The following ANKRD44 variants were observed in gnomAD, a reference collection of about 807,000 sequenced individuals.
ANKRD44 encodes serine/threonine-protein phosphatase 6 regulatory ankyrin repeat subunit B.
In ANKRD44, 35 loss-of-function variants were observed where a neutral mutation model predicts 116.0. The ratio of observed to expected loss-of-function variants is 0.30; its 90% confidence interval spans 0.23 to 0.40. ANKRD44 has a LOEUF of 0.40. ANKRD44 is among the 10% of genes least tolerant of loss of function. The probability of loss-of-function intolerance (pLI) is 1.00; values close to 1 mark genes in which losing one functional copy is unlikely to be tolerated. For synonymous variants in ANKRD44, 435 were observed against 461.8 expected (o/e 0.94, Z 0.74); for missense variants, 1,014 against 1,242.6 (o/e 0.82, Z 2.77).
chr2:197,078,672 G>T (rs760151262), intron 16 of ANKRD44, 31 bp downstream of exon 16: 1 of 1,607,328 alleles, frequency 6.2e-7, no homozygotes, highest in South Asian at 1.1e-5. Context: ...GTGTGTGTGT[G>T]TGTTAGAGAA....
intron 1 of ANKRD44, among the ~76,000 whole-genome samples, chr2:197,190,967 G>T (rs976020092): frequency 6.6e-5 from 10 of 152,222 alleles, no homozygotes; most frequent in African/African-American, 2.4e-4. Context: ...ATACAAAATT[G>T]TAACAAGGGT....
intron 10 of ANKRD44, among the ~76,000 whole-genome samples, chr2:197,092,711 C>T (rs62279207): frequency 8.6e-5 from 13 of 151,990 alleles, no homozygotes; most frequent in African/African-American, 2.9e-4. Flanking sequence ...TCATCATTTA[C>T]CAAAAAAAAA....
At chr2:197,045,064 T>C (rs1214734677) in intron 16 of ANKRD44, among the ~76,000 whole-genome samples, 1 of 151,244 alleles carries the variant, frequency 6.6e-6, no homozygotes, top group East Asian at 2.0e-4. Context: ...AATTGCACAG[T>C]TTAAACCATA....
chr2:197,008,812 G>T, intron 19 of ANKRD44, 132 bp downstream of exon 19: 1 of 748,672 alleles, frequency 1.3e-6, no homozygotes. Context: ...ACCTCATTGT[G>T]TATTGGTCCT....
chr2:196,972,233 T>A (rs947292141), intron 21 of ANKRD44, among the ~76,000 whole-genome samples: 17 of 152,290 alleles, frequency 1.1e-4, no homozygotes, highest in African/African-American at 4.1e-4. Flanking sequence ...AGACAGGATC[T>A]CGCTTTGTTA....
chr2:197,299,614 T>C (rs1439336793), intron 1 of ANKRD44: 1 of 152,172 alleles, frequency 6.6e-6, no homozygotes, highest in Non-Finnish European at 1.5e-5. Flanking sequence ...TCTCACTCAT[T>C]AGTAGGAGCT....
chr2:197,168,379 A>C (rs2080147617), intron 2 of ANKRD44, among the ~76,000 whole-genome samples: 1 of 152,214 alleles, frequency 6.6e-6, no homozygotes, highest in African/African-American at 2.4e-5. Flanking sequence ...AGACAACATT[A>C]TGTTTAGTGT....
chr2:197,133,294 G>A (rs1337989390), intron 4 of ANKRD44, among the ~76,000 whole-genome samples: 2 of 152,130 alleles, frequency 1.3e-5, no homozygotes, highest in Non-Finnish European at 2.9e-5. Context: ...GTTCCAGTTT[G>A]TCCTTGATCT....
chr2:197,144,218 T>C (rs2079441757), intron 3 of ANKRD44, among the ~76,000 whole-genome samples: 1 of 152,226 alleles, frequency 6.6e-6, no homozygotes, highest in Non-Finnish European at 1.5e-5. Context: ...TAACAGGAGA[T>C]AATGCCAGCA....
chr2:197,162,857 A>G (rs913043712), intron 2 of ANKRD44, among the ~76,000 whole-genome samples: 3 of 152,202 alleles, frequency 2.0e-5, no homozygotes, highest in Admixed American at 6.5e-5. Flanking sequence ...AGTGCTCAAT[A>G]TATGTCTTGC....
chr2:197,249,245 C>G (rs1251090826), intron 1 of ANKRD44, among the ~76,000 whole-genome samples: 1 of 152,026 alleles, frequency 6.6e-6, no homozygotes, highest in Non-Finnish European at 1.5e-5. Flanking sequence ...TGCACTCCAG[C>G]CTGGGCAACA....
At chr2:197,127,879 T>C (rs995424870) in intron 4 of ANKRD44, among the ~76,000 whole-genome samples, 1 of 152,196 alleles carries the variant, frequency 6.6e-6, no homozygotes, top group Admixed American at 6.5e-5. Context: ...CCCTCTGTTC[T>C]CATCGTTCAG....
At chr2:196,995,348 G>T in intron 26 of ANKRD44, 31 bp downstream of exon 26, 2 of 1,522,154 alleles carry the variant, frequency 1.3e-6, no homozygotes, top group Non-Finnish European at 1.8e-6. Flanking sequence ...ATGACCCTGG[G>T]TTCAAGTCCA....
chr2:197,070,128 T>A (rs953231784), intron 16 of ANKRD44, among the ~76,000 whole-genome samples: 3 of 152,224 alleles, frequency 2.0e-5, no homozygotes, highest in Non-Finnish European at 4.4e-5. Context: ...TTATGACTTC[T>A]AGGATTTTTT....
intron 16 of ANKRD44, among the ~76,000 whole-genome samples, chr2:197,061,783 CT>C (rs3031992): frequency 0.13 from 18,453 of 143,690 alleles, 1,365 homozygotes; most frequent in Non-Finnish European, 0.17. Flanking sequence ...ATATCCATGC[CT>C]TTTTTTTTTT....
intron 10 of ANKRD44, 129 bp from the exon 11 acceptor site, chr2:197,090,161 T>C: frequency 1.5e-6 from 1 of 656,762 alleles, no homozygotes; most frequent in Admixed American, 2.7e-5. Flanking sequence ...GCTGAAATAA[T>C]TTGGTAATTC....
intron 10 of ANKRD44, 49 bp downstream of exon 10, chr2:197,099,767 G>A: frequency 6.2e-7 from 1 of 1,608,220 alleles, no homozygotes; most frequent in Non-Finnish European, 8.5e-7. Flanking sequence ...CTTTTTGGCA[G>A]TATTCCCACT....
At chr2:197,185,745 T>C (rs1268756657) in intron 2 of ANKRD44, among the ~76,000 whole-genome samples, 1 of 152,212 alleles carries the variant, frequency 6.6e-6, no homozygotes, top group African/African-American at 2.4e-5. Context: ...ATGAAATAGT[T>C]TGATTCATTT....
intron 1 of ANKRD44, among the ~76,000 whole-genome samples, chr2:197,204,257 A>C (rs1180515487): frequency 6.6e-6 from 1 of 152,214 alleles, no homozygotes; most frequent in South Asian, 2.1e-4. Context: ...AAATATGCAC[A>C]GAAAAACAAG....
Sources: gnomAD v4.1 joint callset for allele counts (sites outside exome capture counted in the v4.1 genomes callset) on GRCh38, gnomAD v4.1.1 for gene constraint, MANE v1.5 for transcripts, NCBI Gene and HGNC (gene_info 2026-07-23, HGNC 2026-07-21) for gene names.